ABHD13: variants seen among roughly 807,000 people sequenced by gnomAD.
ABHD13 encodes the protein protein ABHD13.
In ABHD13, 7 loss-of-function variants were observed where a neutral mutation model predicts 25.2. The observed-to-expected ratio is 0.28, with a 90% CI of 0.16 to 0.52. The LOEUF (loss-of-function observed/expected upper bound fraction) is 0.52. Ranked by LOEUF, ABHD13 falls within the 20% of genes least tolerant of loss-of-function variation. The pLI is 0.96. For synonymous variants in ABHD13, 133 were observed against 136.1 expected (o/e 0.98, Z 0.16); for missense variants, 302 against 402.7 (o/e 0.75, Z 2.14).
At chr13:108,227,791 T>TC (rs1594491231) in intron 1 of ABHD13, among the ~76,000 whole-genome samples, 1 of 152,038 alleles carries the variant, frequency 6.6e-6, no homozygotes, top group East Asian at 1.9e-4. Context: ...AGACTGGAAA[T>TC]AAGTGATAAA....
At chr13:108,221,467 C>T (rs1349819288) in intron 1 of ABHD13, among the ~76,000 whole-genome samples, 2 of 152,142 alleles carry the variant, frequency 1.3e-5, no homozygotes, top group Non-Finnish European at 1.5e-5. Flanking sequence ...AATTAATGAG[C>T]CCATGGGGTG....
rs151065886 is a variant in ABHD13 at position 108,222,418 on chromosome 13, A to G, written c.-21+3759A>G. ...AACCTTAAATATATTTATATATGTT[A>G]TAATGCAGAAAGGATTTAAAAAAAT... On this transcript the variant is annotated intron_variant, in intron 1 of 1. Coordinates refer to ENST00000375898, the MANE Select transcript of ABHD13 (RefSeq NM_032859.3). Among the ~76,000 whole-genome samples, 842 of 152,158 alleles carry G rather than the reference A, an allele frequency of 5.5e-3. 3 individuals carry two copies. The highest frequency in any genetic ancestry group is 0.019 in the African/African-American group (782 of 41,560).
chr13:108,227,771 A>G (rs1003477330), intron 1 of ABHD13, among the ~76,000 whole-genome samples: 3 of 152,030 alleles, frequency 2.0e-5, no homozygotes, highest in Non-Finnish European at 4.4e-5. Context: ...TTCTACTGAA[A>G]AGGCAATTGA....
At chr13:108,228,095 G>A (rs1322215754) in intron 1 of ABHD13, among the ~76,000 whole-genome samples, 1 of 151,962 alleles carries the variant, frequency 6.6e-6, no homozygotes, top group African/African-American at 2.4e-5. Context: ...AGCATAAGTA[G>A]ACGAATAGTA....
chr13:108,231,890 A>T lies in ABHD13; in HGVS notation c.*1658A>T, dbSNP rs964870044. 4 of 166,868 alleles carry T rather than the reference A, an allele frequency of 2.4e-5. No individual in the cohort carries two copies. The highest frequency in any genetic ancestry group is 9.7e-5 in the African/African-American group (4 of 41,442). 10.3% of individuals were successfully genotyped at this position (166,868 alleles called of 1,614,324 possible). ...TGTTTTTCTATAAATTACTAATTGT[A>T]AAAAGTCTTGCTTTTTAAAACAAGT... is the stretch of plus-strand genomic sequence containing the variant. On this transcript the variant is annotated 3_prime_UTR_variant, in exon 2 of 2. Transcript: ENST00000375898.
chr13:108,228,731 C>T lies in ABHD13; in HGVS notation c.-20-468C>T, dbSNP rs149172731. Reference sequence around the variant, plus strand: ...GAATTTCTGAACTGCCTTTTCAGTACAGTTTGCCCTGGACATACGTAACCT... The same window carrying T: ...GAATTTCTGAACTGCCTTTTCAGTATAGTTTGCCCTGGACATACGTAACCT... On this transcript the variant is annotated intron_variant, in intron 1 of 1. Coordinates refer to ENST00000375898, the MANE Select transcript of ABHD13 (RefSeq NM_032859.3). Among the ~76,000 whole-genome samples the T allele has an allele frequency of 6.7e-3, 1,010 of 151,806 alleles. 9 individuals carry two copies. Among genetic ancestry groups the T allele is most frequent in the Non-Finnish European group, 0.01 (682 of 67,836 alleles).
intron 1 of ABHD13, among the ~76,000 whole-genome samples, chr13:108,218,930 C>T (rs1205797582): frequency 6.6e-6 from 1 of 152,108 alleles, no homozygotes; most frequent in Non-Finnish European, 1.5e-5. Flanking sequence ...AAGCCAAATA[C>T]CTGTTTTGGA....
chr13:108,232,640 T>C lies in ABHD13; in HGVS notation c.*2408T>C, dbSNP rs983858040. 5 of 166,814 alleles carry C rather than the reference T, an allele frequency of 3.0e-5. No homozygotes were observed. The highest frequency in any genetic ancestry group is 5.9e-5 in the Non-Finnish European group (4 of 68,028). 10.3% of individuals were successfully genotyped at this position (166,814 alleles called of 1,614,324 possible). A position where few individuals can be genotyped will look rare whatever the true frequency, so the allele number is the denominator to read the frequency against. On this transcript the variant is annotated 3_prime_UTR_variant, in exon 2 of 2. Transcript: ENST00000375898. ...ATCTTGTGTATTAACTTCTGACTTATTTATACAAGAGCAGCTATAGGAGTT... is the reference window on the plus strand; with the variant it reads ...ATCTTGTGTATTAACTTCTGACTTACTTATACAAGAGCAGCTATAGGAGTT...
chr13:108,220,729 GCTAGCCTGAGAAT>G (rs767628365), intron 1 of ABHD13, among the ~76,000 whole-genome samples: 1 of 152,170 alleles, frequency 6.6e-6, no homozygotes, highest in Non-Finnish European at 1.5e-5. Context: ...GCATTTATGA[GCTAGCCTGAGAAT>G]CTAGATACTT....
chr13:108,224,687 C>T (rs866360358), intron 1 of ABHD13, among the ~76,000 whole-genome samples: 5 of 152,088 alleles, frequency 3.3e-5, no homozygotes, highest in Admixed American at 6.6e-5. Flanking sequence ...CAGTTCTAGA[C>T]GGCTCTTATT....
intron 1 of ABHD13, among the ~76,000 whole-genome samples, chr13:108,220,298 A>G (rs937708531): frequency 1.3e-5 from 2 of 152,184 alleles, no homozygotes; most frequent in African/African-American, 2.4e-5. Context: ...GGGCACATCA[A>G]AGACCTCTTG....
chr13:108,220,462 A>G (rs1879544306), intron 1 of ABHD13, among the ~76,000 whole-genome samples: 1 of 152,192 alleles, frequency 6.6e-6, no homozygotes, highest in Non-Finnish European at 1.5e-5. Flanking sequence ...TGTTTAATGT[A>G]TTACCCAGAT....
At chr13:108,228,127 T>C (rs1879712729) in intron 1 of ABHD13, among the ~76,000 whole-genome samples, 1 of 152,014 alleles carries the variant, frequency 6.6e-6, no homozygotes, top group African/African-American at 2.4e-5. Context: ...TTGTAACATA[T>C]CTCAATTCTT....
intron 1 of ABHD13, among the ~76,000 whole-genome samples, chr13:108,219,689 C>G (rs148387493): frequency 1.7e-3 from 261 of 152,248 alleles, no homozygotes; most frequent in African/African-American, 5.9e-3. Flanking sequence ...TTGAATAGGA[C>G]GAGGTCTCTG....
At chr13:108,224,181 G>T (rs11841388) in intron 1 of ABHD13, among the ~76,000 whole-genome samples, 8,419 of 152,232 alleles carry the variant, frequency 0.055, 231 homozygotes, top group East Asian at 0.11. Flanking sequence ...TTCTTTGTCT[G>T]CTCTATAATT....
rs1879732288 is a variant in ABHD13 at position 108,229,010 on chromosome 13, A to G, written c.-20-189A>G. On this transcript the variant is annotated intron_variant, in intron 1 of 1. Transcript: ENST00000375898. The surrounding 1 kb of genome is among the most constrained non-coding windows in gnomAD (Gnocchi z 4.7). ...TTCCTAAATATGACAGTGGAGGGAT[A>G]TGGTAGAAAGGAAACTGTTGAGAAC... Among the ~76,000 whole-genome samples, 1 of 152,070 alleles carries G rather than the reference A, an allele frequency of 6.6e-6. No homozygotes were observed. Among genetic ancestry groups the G allele is most frequent in the Non-Finnish European group, 1.5e-5 (1 of 67,964 alleles).
chr13:108,224,312 A>G (rs1191106880), intron 1 of ABHD13, among the ~76,000 whole-genome samples: 1 of 152,190 alleles, frequency 6.6e-6, no homozygotes, highest in East Asian at 1.9e-4. Flanking sequence ...ACTGTATAGT[A>G]TACTAGGATG....
At chr13:108,225,094 A>T (rs1238487851) in intron 1 of ABHD13, among the ~76,000 whole-genome samples, 1 of 152,160 alleles carries the variant, frequency 6.6e-6, no homozygotes, top group Non-Finnish European at 1.5e-5. Context: ...GGTTATAATA[A>T]ACTGTAATAC....
chr13:108,225,978 C>T (rs542523859), intron 1 of ABHD13, among the ~76,000 whole-genome samples: 1 of 152,162 alleles, frequency 6.6e-6, no homozygotes, highest in East Asian at 1.9e-4. Context: ...TGCAGAAGAA[C>T]CCAACAAATA....
Sources: allele counts gnomAD v4.1 joint callset (sites outside exome capture counted in the v4.1 genomes callset), GRCh38; gene constraint gnomAD v4.1.1; non-coding constraint Gnocchi (gnomAD v3.1); transcripts MANE v1.5; gene names NCBI Gene and HGNC (gene_info 2026-07-23, HGNC 2026-07-21).